The following NINL variants were observed in gnomAD, a reference collection of about 807,000 sequenced individuals.
The protein encoded by NINL is ninein-like protein.
Under a neutral mutation model 160.3 loss-of-function variants are expected in NINL, and 153 were observed. The ratio of observed to expected loss-of-function variants is 0.95; its 90% confidence interval spans 0.84 to 1.09. NINL has a LOEUF of 1.09. NINL is among the 50% of genes least tolerant of loss of function. The pLI is 0.00. For missense variants in NINL, 1,829 were observed against 1,764.0 expected (o/e 1.04, Z -0.66); for synonymous variants, 800 against 734.8 (o/e 1.09, Z -1.43).
At chr20:25,584,145 G>C (rs2065203034) in intron 1 of NINL, among the ~76,000 whole-genome samples, 2 of 152,144 alleles carry the variant, frequency 1.3e-5, no homozygotes, top group African/African-American at 4.8e-5. Context: ...AGAACTTAAA[G>C]TAAAATAAAA....
chr20:25,513,600 G>T lies in NINL; in HGVS notation c.278-594C>A, dbSNP rs138206609. Among the ~76,000 whole-genome samples, 177 of 152,358 alleles carry T rather than the reference G, an allele frequency of 1.2e-3. 3 individuals are homozygous for T. The East Asian group carries it at 0.014, about 12-fold the overall frequency. ...GGAAGTTAATATAGTTTGACTTTGT[G>T]TCCCCACCCAAATCTCATGTCAAAT... On this transcript the variant is annotated intron_variant, in intron 3 of 23. Transcript: ENST00000278886.
intron 5 of NINL, among the ~76,000 whole-genome samples, chr20:25,510,044 T>C (rs1332046162): frequency 6.6e-6 from 1 of 152,206 alleles, no homozygotes; most frequent in Non-Finnish European, 1.5e-5. Context: ...CTTCCCAAAA[T>C]GCCAGATCTT....
intron 1 of NINL, among the ~76,000 whole-genome samples, chr20:25,561,987 G>T (rs1377120117): frequency 1.5e-4 from 23 of 148,598 alleles, no homozygotes; most frequent in African/African-American, 5.7e-4. Context: ...CCCCATCCGG[G>T]AGGTGAGAGG....
intron 1 of NINL, among the ~76,000 whole-genome samples, chr20:25,569,628 G>C (rs190288425): frequency 2.9e-4 from 44 of 152,332 alleles, no homozygotes; most frequent in Non-Finnish European, 5.4e-4. Flanking sequence ...AGGCAGGAGA[G>C]ATGTGGGTGC....
intron 18 of NINL, among the ~76,000 whole-genome samples, chr20:25,467,895 A>G (rs2062958554): frequency 6.6e-6 from 1 of 152,150 alleles, no homozygotes; most frequent in South Asian, 2.1e-4. Context: ...CAGACTCAAG[A>G]AAACCAGAGA....
intron 1 of NINL, among the ~76,000 whole-genome samples, chr20:25,584,165 A>C (rs1185143604): frequency 1.3e-5 from 2 of 152,168 alleles, no homozygotes; most frequent in Non-Finnish European, 2.9e-5. Flanking sequence ...ATTAAAAAAC[A>C]AAAACAAAAC....
At chr20:25,556,821 CA>C (rs1193707577) in intron 1 of NINL, among the ~76,000 whole-genome samples, 1 of 152,006 alleles carries the variant, frequency 6.6e-6, no homozygotes, top group African/African-American at 2.4e-5. Context: ...ATATAAGGGC[CA>C]ATAATCCTAC....
At position 25,504,959 on chromosome 20, in the gene NINL, T is replaced by A. The variant is rs773923758; in HGVS notation, c.637A>T (p.Ser213Cys). 1 of 1,613,274 alleles carries A rather than the reference T, an allele frequency of 6.2e-7. No individual in the cohort carries two copies. Among genetic ancestry groups the A allele is most frequent in the South Asian group, 1.1e-5 (1 of 91,040 alleles). Residue 213 changes from serine (S) to cysteine (C), a missense_variant, in exon 6 of 24, where the codon AGC (serine) becomes TGC (cysteine). Coordinates refer to ENST00000278886, the MANE Select transcript of NINL (RefSeq NM_025176.6). ...GVWEELGVGSSGHLSEQELAV... is the reference protein window; with the variant it reads ...GVWEELGVGSCGHLSEQELAV... The stretch of plus-strand genomic sequence containing the variant: ...AGCTCCTGCTCGCTCAGGTGTCCGC[T>A]GCTGCCCACCCCCAGCTCTTCCCAC...
rs143482574 is a variant in NINL at position 25,476,198 on chromosome 20, C to A, written c.3093G>T (p.Pro1031=). The A allele has an allele frequency of 6.2e-7, 1 of 1,614,130 alleles. No individual in the cohort carries two copies. The highest frequency in any genetic ancestry group is 1.3e-5 in the African/African-American group (1 of 75,036). ...CAAGCTGCTCCTGCCAGGAACCCTG[C>A]GGGTCTGCGAGCTGGAGGTGGGATG... is the stretch of plus-strand genomic sequence containing the variant. ...SLPSHLQLAD[P]QGSWQEQLAA... Residue 1031 remains proline (P), a synonymous_variant, in exon 17 of 24, where the codon CCG becomes CCT. Transcript: ENST00000278886.
rs774415115 is a variant in NINL, at chr20:25,477,052, C to A, written c.2239G>T (p.Gly747Trp). The change falls in exon 17 of 24, where the codon GGG becomes TGG. Residue 747 changes from glycine to tryptophan, a missense_variant. Gly to Trp is a radical substitution (Grantham distance 184). Coordinates refer to ENST00000278886, the MANE Select transcript of NINL (RefSeq NM_025176.6). ...CTGCGAGCGGGCAGGGCTCCCAGCC[C>A]CGACAGCTCTCCACTCAGCTCCGCC... ...AEAELSGELSGLGALPARRDL... is the reference protein window; with the variant it reads ...AEAELSGELSWLGALPARRDL... The A allele has an allele frequency of 2.7e-5, 43 of 1,598,436 alleles. No homozygotes were observed. Among genetic ancestry groups the A allele is most frequent in the Non-Finnish European group, 3.6e-5 (43 of 1,179,574 alleles).
chr20:25,508,831 A>G (rs181001005), intron 5 of NINL, among the ~76,000 whole-genome samples: 8 of 151,650 alleles, frequency 5.3e-5, no homozygotes, highest in Admixed American at 5.2e-4. Context: ...TGCACCGTAC[A>G]TGCCTGGCTG....
chr20:25,560,109 C>T (rs1368530197), intron 1 of NINL, among the ~76,000 whole-genome samples: 1 of 152,158 alleles, frequency 6.6e-6, no homozygotes, highest in Non-Finnish European at 1.5e-5. Context: ...CAATACTCAG[C>T]TAATTTTTAA....
intron 1 of NINL, 55 bp from the exon 2 acceptor site, chr20:25,526,653 C>A: frequency 6.5e-7 from 1 of 1,541,014 alleles, no homozygotes; most frequent in Non-Finnish European, 8.9e-7. Context: ...ACCTCCCCTC[C>A]CATTCCCACA....
intron 5 of NINL, among the ~76,000 whole-genome samples, chr20:25,508,089 G>A (rs1436595179): frequency 2.0e-5 from 3 of 152,196 alleles, no homozygotes; most frequent in South Asian, 2.1e-4. Context: ...TGTAAGACAC[G>A]GCAGCTTGGC....
intron 22 of NINL, among the ~76,000 whole-genome samples, 195 bp from the exon 23 acceptor site, chr20:25,455,981 A>C (rs1170729204): frequency 6.6e-6 from 1 of 152,108 alleles, no homozygotes; most frequent in African/African-American, 2.4e-5. Context: ...CTGTAATCCC[A>C]GCTACTTGGG....
At chr20:25,544,262 C>T (rs1240391131) in intron 1 of NINL, among the ~76,000 whole-genome samples, 1 of 152,084 alleles carries the variant, frequency 6.6e-6, no homozygotes, top group Non-Finnish European at 1.5e-5. Flanking sequence ...GCCTCACCAG[C>T]ATCCACATAA....
At chr20:25,498,625 A>G (rs2063807179) in intron 8 of NINL, among the ~76,000 whole-genome samples, 1 of 152,214 alleles carries the variant, frequency 6.6e-6, no homozygotes, top group African/African-American at 2.4e-5. Context: ...TGTCAGACAC[A>G]GGCAGGGGCA....
intron 1 of NINL, among the ~76,000 whole-genome samples, chr20:25,554,451 A>AATCTGC (rs952806078): frequency 2.8e-4 from 43 of 152,244 alleles, no homozygotes; most frequent in Non-Finnish European, 5.4e-4. Context: ...ACAGAATGGC[A>AATCTGC]ATCTGCATAC....
chr20:25,457,952 G>T (rs961372850), intron 22 of NINL, among the ~76,000 whole-genome samples: 2 of 152,148 alleles, frequency 1.3e-5, no homozygotes, highest in Non-Finnish European at 2.9e-5. Context: ...GTAGTGGGCG[G>T]GATCCCACCC....
Sources: gnomAD v4.1 joint callset for allele counts (sites outside exome capture counted in the v4.1 genomes callset) on GRCh38, gnomAD v4.1.1 for gene constraint, MANE v1.5 for transcripts, NCBI Gene and HGNC (gene_info 2026-07-23, HGNC 2026-07-21) for gene names.